The following FHOD3 variants were observed in gnomAD, a reference collection of about 807,000 sequenced individuals.
FHOD3 encodes the protein FH1/FH2 domain-containing protein 3.
Under a neutral mutation model 173.0 loss-of-function variants are expected in FHOD3, and 90 were observed. The ratio of observed to expected loss-of-function variants is 0.52; its 90% CI spans 0.44 to 0.62. FHOD3 has a LOEUF of 0.62. FHOD3 is among the 20% of genes least tolerant of loss of function. The pLI, the probability that FHOD3 is intolerant of heterozygous loss-of-function variation, is 0.00. For missense variants in FHOD3, 1,945 were observed against 2,034.7 expected, an observed-to-expected ratio of 0.96 and a Z score of 0.85; for synonymous variants, 828 against 823.0, an observed-to-expected ratio of 1.01 and a Z score of -0.10.
chr18:36,338,442 G>A (rs1159981679), intron 1 of FHOD3, among the ~76,000 whole-genome samples: 1 of 152,156 alleles, frequency 6.6e-6, no homozygotes, highest in Non-Finnish European at 1.5e-5. Context: ...ACTATTGGCA[G>A]CTAACCAAAA....
intron 3 of FHOD3, among the ~76,000 whole-genome samples, chr18:36,445,793 G>A (rs548682676): frequency 6.6e-6 from 1 of 152,264 alleles, no homozygotes; most frequent in Admixed American, 6.5e-5. Context: ...CAGAAATCAT[G>A]GGCATGTCCA....
intron 3 of FHOD3, among the ~76,000 whole-genome samples, chr18:36,401,802 GCA>G (rs1362015131): frequency 6.6e-6 from 1 of 152,220 alleles, no homozygotes; most frequent in Non-Finnish European, 1.5e-5. Flanking sequence ...ACGGTATGTA[GCA>G]CAGAGTGGCC....
At chr18:36,407,406 T>A (rs902187163) in intron 3 of FHOD3, among the ~76,000 whole-genome samples, 1 of 152,340 alleles carries the variant, frequency 6.6e-6, no homozygotes, top group African/African-American at 2.4e-5. Context: ...GCACTAATGA[T>A]GGTGGTAACA....
chr18:36,762,816 T>C (rs2042938143), intron 27 of FHOD3, among the ~76,000 whole-genome samples: 1 of 147,928 alleles, frequency 6.8e-6, no homozygotes, highest in African/African-American at 2.5e-5. Context: ...TATATATGTA[T>C]TATATATTTT....
intron 1 of FHOD3, among the ~76,000 whole-genome samples, chr18:36,301,240 C>G (rs1437481382): frequency 6.6e-6 from 1 of 152,174 alleles, no homozygotes; most frequent in Non-Finnish European, 1.5e-5. Flanking sequence ...ACCTGTCAGG[C>G]CTTTCCTGGC....
chr18:36,399,368 T>G (rs1032534557), intron 3 of FHOD3, among the ~76,000 whole-genome samples: 6 of 152,264 alleles, frequency 3.9e-5, no homozygotes, highest in African/African-American at 1.4e-4. Flanking sequence ...GTCTGTGAGC[T>G]GTCTCACTTG....
intron 9 of FHOD3, among the ~76,000 whole-genome samples, chr18:36,614,154 A>G (rs901744888): frequency 7.2e-5 from 11 of 152,296 alleles, no homozygotes; most frequent in South Asian, 4.1e-4. Context: ...CCATTAGCAG[A>G]CACTCTACAT....
At chr18:36,497,837 C>A (rs2054827255) in intron 3 of FHOD3, among the ~76,000 whole-genome samples, 1 of 152,184 alleles carries the variant, frequency 6.6e-6, no homozygotes, top group Non-Finnish European at 1.5e-5. Flanking sequence ...GATGTGGACA[C>A]CACTATTACT....
intron 3 of FHOD3, among the ~76,000 whole-genome samples, chr18:36,430,459 G>A (rs532946958): frequency 9.7e-4 from 148 of 152,260 alleles, no homozygotes; most frequent in African/African-American, 3.0e-3. Flanking sequence ...CAGGTGATCC[G>A]CCTGCCTCGG....
At chr18:36,732,830 G>A (rs1039066605) in intron 20 of FHOD3, among the ~76,000 whole-genome samples, 1 of 152,194 alleles carries the variant, frequency 6.6e-6, no homozygotes, top group Non-Finnish European at 1.5e-5. Context: ...GGACCTGGAT[G>A]TACCAAGTGC....
At position 36,381,385 on chromosome 18, in the gene FHOD3, C is replaced by G. The variant is rs370576907; in HGVS notation, c.337+8641C>G. Among the ~76,000 whole-genome samples, 5 of 152,348 alleles carry G rather than the reference C, an allele frequency of 3.3e-5. No individual in the cohort carries two copies. The East Asian group carries it at 5.8e-4, about 18-fold the overall frequency. Reference sequence around the variant, plus strand: ...TGGAGCTGGGGCTTCCACATCCTTTCCATGCTTCCACTCTGATCACTTGGA... The same window carrying G: ...TGGAGCTGGGGCTTCCACATCCTTTGCATGCTTCCACTCTGATCACTTGGA... On this transcript the variant is annotated intron_variant, in intron 3 of 28. Coordinates refer to ENST00000590592, the MANE Select transcript of FHOD3 (RefSeq NM_001281740.3).
intron 1 of FHOD3, among the ~76,000 whole-genome samples, chr18:36,298,425 G>T (rs1680634235): frequency 1.3e-5 from 2 of 152,178 alleles, no homozygotes; most frequent in Admixed American, 1.3e-4. Context: ...GGAGAGGAGA[G>T]CTCTGAGCGA....
At chr18:36,662,682 T>C (rs1176070262) in intron 14 of FHOD3, among the ~76,000 whole-genome samples, 1 of 152,198 alleles carries the variant, frequency 6.6e-6, no homozygotes, top group Non-Finnish European at 1.5e-5. Context: ...AAGGGATGGA[T>C]AAAGGACATA....
intron 3 of FHOD3, among the ~76,000 whole-genome samples, chr18:36,477,634 C>T (rs2053663019): frequency 6.6e-6 from 1 of 151,530 alleles, no homozygotes; most frequent in South Asian, 2.1e-4. Flanking sequence ...TTTATCATCT[C>T]ACCAGTCTCT....
chr18:36,680,856 G>A (rs1449985303), intron 14 of FHOD3, among the ~76,000 whole-genome samples: 1 of 152,208 alleles, frequency 6.6e-6, no homozygotes, highest in Admixed American at 6.5e-5. Flanking sequence ...GAAGTGTATT[G>A]TGAGACTGAT....
At chr18:36,464,066 T>C (rs2052757887) in intron 3 of FHOD3, among the ~76,000 whole-genome samples, 1 of 152,178 alleles carries the variant, frequency 6.6e-6, no homozygotes, top group Non-Finnish European at 1.5e-5. Context: ...AAAGCAACCA[T>C]CTTTAATTCT....
At chr18:36,723,546 C>T (rs143366517) in intron 19 of FHOD3, among the ~76,000 whole-genome samples, 1 of 152,162 alleles carries the variant, frequency 6.6e-6, no homozygotes, top group Admixed American at 6.5e-5. Flanking sequence ...TTGAAAATAT[C>T]CTGTGGCATC....
At chr18:36,645,625 A>G (rs1338729696) in intron 10 of FHOD3, among the ~76,000 whole-genome samples, 1 of 152,188 alleles carries the variant, frequency 6.6e-6, no homozygotes, top group East Asian at 1.9e-4. Flanking sequence ...TCAAAATCTG[A>G]CAAGCACATT....
At chr18:36,686,190 A>G (rs1031628520) in intron 15 of FHOD3, among the ~76,000 whole-genome samples, 2 of 152,104 alleles carry the variant, frequency 1.3e-5, no homozygotes, top group Admixed American at 1.3e-4. Flanking sequence ...TAGTAAAGAC[A>G]TGGAATCAAC....
Sources: allele counts gnomAD v4.1 joint callset (sites outside exome capture counted in the v4.1 genomes callset), GRCh38; gene constraint gnomAD v4.1.1; transcripts MANE v1.5; gene names NCBI Gene and HGNC (gene_info 2026-07-23, HGNC 2026-07-21).